FOXN3: variants seen among roughly 807,000 people sequenced by gnomAD.
FOXN3 encodes forkhead box protein N3.
A neutral mutation model predicts 38.4 loss-of-function variants in FOXN3; 7 were observed. That is an observed-to-expected ratio of 0.18 (90% CI 0.10 to 0.34). The LOEUF (loss-of-function observed/expected upper bound fraction) is 0.34. Among genes scored for constraint, FOXN3 ranks in the 10% least tolerant of loss-of-function variants. FOXN3 has a pLI of 1.00. For synonymous variants in FOXN3, 230 were observed against 242.2 expected, an observed-to-expected ratio of 0.95 and a Z score of 0.47; for missense variants, 456 against 613.4, an observed-to-expected ratio of 0.74 and a Z score of 2.71.
chr14:89,607,640 G>A (rs1054118335), intron 1 of FOXN3, among the ~76,000 whole-genome samples: 8 of 151,466 alleles, frequency 5.3e-5, no homozygotes, highest in African/African-American at 1.9e-4. Flanking sequence ...TGCCACACAA[G>A]TTCTGATAAA....
At chr14:89,488,698 G>A (rs243227) in intron 1 of FOXN3, among the ~76,000 whole-genome samples, 33,793 of 151,396 alleles carry the variant, frequency 0.22, 4,069 homozygotes, top group East Asian at 0.41. Flanking sequence ...GGGAAGAACC[G>A]CAACTGCTTC....
At chr14:89,273,015 T>A (rs1279080489) in intron 4 of FOXN3, among the ~76,000 whole-genome samples, 2 of 152,232 alleles carry the variant, frequency 1.3e-5, no homozygotes, top group African/African-American at 2.4e-5. Flanking sequence ...ACTCTGCACC[T>A]TTCATTTCAG....
At chr14:89,226,175 T>TA (rs138507883) in intron 4 of FOXN3, among the ~76,000 whole-genome samples, 1,144 of 108,238 alleles carry the variant, frequency 0.011, 10 homozygotes, top group African/African-American at 0.037. Flanking sequence ...CAAGGAGACA[T>TA]AAAAAAAAAA....
chr14:89,180,937 CACACACACGTGCACAT>C lies in FOXN3; in HGVS notation c.746-147_746-132del, dbSNP rs796286908. The C allele has an allele frequency of 1.7e-4, 84 of 499,936 alleles. No homozygotes were observed. The African/African-American group carries it at 3.2e-3, about 19-fold the overall frequency. 31.0% of individuals were successfully genotyped at this position (499,936 alleles called of 1,614,324 possible). A position where few individuals can be genotyped will look rare whatever the true frequency, so the allele number is the denominator to read the frequency against. ...GAGGGCAGAGACAGAGAGAAACACA[CACACACACGTGCACAT>C]ACACACACACACACACAGTCACACA... On this transcript the variant is annotated intron_variant, in intron 4 of 5. Transcript: ENST00000557258.
At chr14:89,507,198 AT>A (rs1343741013) in intron 1 of FOXN3, among the ~76,000 whole-genome samples, 2 of 152,138 alleles carry the variant, frequency 1.3e-5, no homozygotes, top group Non-Finnish European at 2.9e-5. Context: ...ACAGCAGCTG[AT>A]TAAGCAGTCA....
chr14:89,511,190 TTTTCTTTCTTTCTTTTC>T (rs1894064666), intron 1 of FOXN3, among the ~76,000 whole-genome samples: 2 of 18,798 alleles, frequency 1.1e-4, no homozygotes, highest in African/African-American at 2.5e-4. Flanking sequence ...TCTTTCTTTC[TTTTCTTTCTTTCTTTTC>T]TTTCTTTCTT....
chr14:89,308,070 G>C (rs1887429066), intron 3 of FOXN3, among the ~76,000 whole-genome samples: 1 of 152,174 alleles, frequency 6.6e-6, no homozygotes, highest in African/African-American at 2.4e-5. Flanking sequence ...TTCAAGACCA[G>C]CCTGGGCAAC....
chr14:89,615,376 T>C (rs1253015605), intron 1 of FOXN3, among the ~76,000 whole-genome samples: 1 of 152,230 alleles, frequency 6.6e-6, no homozygotes, highest in Non-Finnish European at 1.5e-5. Flanking sequence ...ATTGGAATTG[T>C]ATTGAACATC....
intron 2 of FOXN3, among the ~76,000 whole-genome samples, chr14:89,360,765 A>AGCACCAC (rs1889492938): frequency 1.5e-5 from 1 of 65,874 alleles, no homozygotes; most frequent in Non-Finnish European, 2.9e-5. Flanking sequence ...CACCTCCACC[A>AGCACCAC]CTACCACCTC....
intron 1 of FOXN3, among the ~76,000 whole-genome samples, chr14:89,425,831 T>C (rs530956954): frequency 8.5e-5 from 13 of 152,330 alleles, no homozygotes; most frequent in Admixed American, 2.6e-4. Context: ...TTTACTGATA[T>C]ATTATCACAT....
intron 4 of FOXN3, among the ~76,000 whole-genome samples, chr14:89,271,544 GTCTA>G (rs1316919494): frequency 2.0e-5 from 3 of 152,040 alleles, no homozygotes; most frequent in Admixed American, 6.5e-5. Context: ...ATCTGCATCT[GTCTA>G]TCTACTAATA....
chr14:89,286,398 G>A (rs1033176165), intron 3 of FOXN3, among the ~76,000 whole-genome samples: 14 of 152,076 alleles, frequency 9.2e-5, no homozygotes, highest in African/African-American at 3.4e-4. Flanking sequence ...TGGGGTGGGG[G>A]GAAAAAGTGG....
chr14:89,606,315 A>T (rs936694649), intron 1 of FOXN3, among the ~76,000 whole-genome samples: 4 of 152,224 alleles, frequency 2.6e-5, no homozygotes, highest in Admixed American at 6.5e-5. Context: ...ATCAGAAGGT[A>T]ACTACTATTT....
chr14:89,205,895 C>T (rs1888370989), intron 4 of FOXN3, among the ~76,000 whole-genome samples: 2 of 152,242 alleles, frequency 1.3e-5, no homozygotes, highest in South Asian at 2.1e-4. Context: ...AAGAAGCAAG[C>T]TGCATCCCTG....
chr14:89,536,610 G>A (rs1184698526), intron 1 of FOXN3, among the ~76,000 whole-genome samples: 6 of 151,900 alleles, frequency 3.9e-5, no homozygotes, highest in Non-Finnish European at 2.9e-5. Flanking sequence ...TGAAACCCCC[G>A]TCTCTACTAA....
At chr14:89,588,710 T>C (rs372438944) in intron 1 of FOXN3, among the ~76,000 whole-genome samples, 27 of 152,296 alleles carry the variant, frequency 1.8e-4, no homozygotes, top group African/African-American at 6.5e-4. Flanking sequence ...CTCTCCTATA[T>C]AGCTAGTTAA....
At chr14:89,475,925 A>C (rs1007333499) in intron 1 of FOXN3, among the ~76,000 whole-genome samples, 10 of 152,318 alleles carry the variant, frequency 6.6e-5, no homozygotes, top group African/African-American at 2.4e-4. Context: ...AAATCTATTA[A>C]ACCTGAACTG....
chr14:89,583,840 G>A (rs1895792882), intron 1 of FOXN3, among the ~76,000 whole-genome samples: 1 of 150,588 alleles, frequency 6.6e-6, no homozygotes, highest in Admixed American at 6.6e-5. Flanking sequence ...GATTATAGGT[G>A]TCAGATACCG....
chr14:89,472,124 G>A (rs541980283), intron 1 of FOXN3, among the ~76,000 whole-genome samples: 18 of 152,070 alleles, frequency 1.2e-4, no homozygotes, highest in African/African-American at 2.7e-4. Context: ...GCATGGTGGC[G>A]GGTGCCTGTA....
Sources: allele counts gnomAD v4.1 joint callset (sites outside exome capture counted in the v4.1 genomes callset), GRCh38; gene constraint gnomAD v4.1.1; transcripts MANE v1.5; gene names NCBI Gene and HGNC (gene_info 2026-07-23, HGNC 2026-07-21).